NHEJ1: variants seen among roughly 807,000 people sequenced by gnomAD.
NHEJ1 encodes non-homologous end-joining factor 1.
In NHEJ1, 22 loss-of-function variants were observed where a neutral mutation model predicts 39.4. The ratio of observed to expected loss-of-function variants is 0.56; its 90% CI spans 0.40 to 0.80. The LOEUF (loss-of-function observed/expected upper bound fraction) is 0.80. NHEJ1 is among the 30% of genes least tolerant of loss of function. The probability of loss-of-function intolerance (pLI) is 0.00; values close to 1 mark genes in which losing one functional copy is unlikely to be tolerated. For missense variants in NHEJ1, 329 were observed against 357.1 expected (o/e 0.92, Z 0.63); for synonymous variants, 154 against 135.6 (o/e 1.14, Z -0.94).
intron 5 of NHEJ1, among the ~76,000 whole-genome samples, chr2:219,136,450 G>A (rs943478846): frequency 3.3e-5 from 5 of 151,722 alleles, no homozygotes; most frequent in African/African-American, 1.2e-4. Flanking sequence ...CACCAAGCCC[G>A]GCTAATTTTT....
At chr2:219,149,508 C>T (rs574738037) in intron 3 of NHEJ1, among the ~76,000 whole-genome samples, 3 of 152,124 alleles carry the variant, frequency 2.0e-5, no homozygotes, top group African/African-American at 4.8e-5. Context: ...CCCAGCTACT[C>T]GGGAGACTGA....
rs1424266156 is a variant in NHEJ1, at chr2:219,076,164, G to C, written c.*217C>G. On this transcript the variant is annotated 3_prime_UTR_variant, in exon 8 of 8. Transcript: ENST00000356853. ...AACCTACAGAACCTCCACCAAAAGA[G>C]AGGAGAGCACGGGATTCTCAGAGAC... The C allele has an allele frequency of 1.9e-6, 2 of 1,034,806 alleles. No individual in the cohort carries two copies. Among genetic ancestry groups the C allele is most frequent in the Non-Finnish European group, 2.7e-6 (2 of 730,090 alleles). 64.1% of individuals were successfully genotyped at this position (1,034,806 alleles called of 1,614,324 possible).
rs377061150 is a variant in NHEJ1, at chr2:219,148,888, CT to C, written c.391-1094del. 2.1e-3 allele frequency among the ~76,000 whole-genome samples: 313 copies of C among 145,926 alleles called. 1 individual carries two copies. Among genetic ancestry groups the C allele is most frequent in the African/African-American group, 4.5e-3 (181 of 40,000 alleles). ...CAACGCACTCTACACACAACCCCCC[CT>C]TTTTTTTTTTTGAGAAGGAGTTTCG... On this transcript the variant is annotated intron_variant, in intron 3 of 7. Coordinates refer to ENST00000356853, the MANE Select transcript of NHEJ1 (RefSeq NM_024782.3).
chr2:219,127,537 C>A lies in NHEJ1; in HGVS notation c.588+19143G>T, dbSNP rs867493884. On this transcript the variant is annotated intron_variant, in intron 5 of 7. Transcript: ENST00000356853. ...CCTGCCAGTAATCCACATTTCTAAT[C>A]CAAGGCCCATTTCTTATCTCTTACT... 2.6e-5 allele frequency among the ~76,000 whole-genome samples: 4 copies of A among 152,164 alleles called. No individual in the cohort carries two copies. In the South Asian group the frequency reaches 8.3e-4, roughly 32 times the overall value.
At chr2:219,141,087 A>T (rs1160996772) in intron 5 of NHEJ1, among the ~76,000 whole-genome samples, 1 of 152,218 alleles carries the variant, frequency 6.6e-6, no homozygotes, top group Non-Finnish European at 1.5e-5. Context: ...AAGCCAAAAA[A>T]GGGACAGAAA....
At chr2:219,149,363 C>T (rs370111304) in intron 3 of NHEJ1, among the ~76,000 whole-genome samples, 1 of 152,140 alleles carries the variant, frequency 6.6e-6, no homozygotes, top group African/African-American at 2.4e-5. Flanking sequence ...TGCCTGTAAT[C>T]CCAGCATTTT....
At chr2:219,093,016 T>G (rs754232582) in intron 5 of NHEJ1, among the ~76,000 whole-genome samples, 2 of 152,222 alleles carry the variant, frequency 1.3e-5, no homozygotes, top group African/African-American at 2.4e-5. Flanking sequence ...GAGATAATAC[T>G]TTAAACAAAA....
intron 5 of NHEJ1, among the ~76,000 whole-genome samples, chr2:219,100,440 T>C (rs1005966378): frequency 1.7e-4 from 17 of 100,090 alleles, no homozygotes; most frequent in African/African-American, 5.7e-4. Context: ...CGATCTCTAC[T>C]AAAATGCAAA....
intron 2 of NHEJ1, 129 bp from the exon 3 acceptor site, chr2:219,157,813 A>G: frequency 2.6e-6 from 2 of 784,302 alleles, no homozygotes; most frequent in South Asian, 3.0e-5. Context: ...AGAAGATAAA[A>G]ACATCACAAG....
intron 3 of NHEJ1, among the ~76,000 whole-genome samples, chr2:219,152,031 G>GA (rs1344265499): frequency 3.3e-5 from 5 of 152,004 alleles, no homozygotes; most frequent in Admixed American, 6.6e-5. Flanking sequence ...ACACTATAAG[G>GA]AAAAATCTTG....
At chr2:219,145,774 A>T (rs1206798026) in intron 5 of NHEJ1, among the ~76,000 whole-genome samples, 1 of 152,024 alleles carries the variant, frequency 6.6e-6, no homozygotes, top group African/African-American at 2.4e-5. Flanking sequence ...CTCTACTAAA[A>T]ATACAAAATT....
At chr2:219,145,205 T>C (rs758085760) in intron 5 of NHEJ1, among the ~76,000 whole-genome samples, 2 of 150,374 alleles carry the variant, frequency 1.3e-5, no homozygotes, top group Non-Finnish European at 2.9e-5. Flanking sequence ...ACAGAGCAAG[T>C]GAGGCTTCGT....
intron 5 of NHEJ1, among the ~76,000 whole-genome samples, chr2:219,135,043 T>TAAAACAAAA (rs1553547229): frequency 9.1e-6 from 1 of 110,400 alleles, no homozygotes; most frequent in African/African-American, 3.5e-5. Flanking sequence ...CCGTCTCAAT[T>TAAAACAAAA]AAAAAAAAAA....
At chr2:219,076,484 G>A in intron 7 of NHEJ1, 29 bp from the exon 8 acceptor site, 1 of 1,607,038 alleles carries the variant, frequency 6.2e-7, no homozygotes, top group South Asian at 1.1e-5. Flanking sequence ...AAGTTAGTAG[G>A]GGTTTTGAAA....
intron 5 of NHEJ1, among the ~76,000 whole-genome samples, chr2:219,098,025 T>C (rs1320668749): frequency 1.3e-5 from 2 of 152,200 alleles, no homozygotes; most frequent in Admixed American, 1.3e-4. Flanking sequence ...AATGAAAGTA[T>C]GTCGAGAAGG....
At position 219,147,736 on chromosome 2, in the gene NHEJ1, C is replaced by T. The variant is rs376861632; in HGVS notation, c.450G>A (p.Val150=). Residue 150 remains valine (V), a synonymous_variant, in exon 4 of 8, where the codon GTG becomes GTA. Transcript: ENST00000356853. Reference sequence around the variant, plus strand: ...TATGAAGTAACGTTGCTAGCTCCCTCACTTGGCACTGTAATGCCAGACTCA... The same window carrying T: ...TATGAAGTAACGTTGCTAGCTCCCTTACTTGGCACTGTAATGCCAGACTCA... ...MGMSLALQCQ[V]RELATLLHMK... The T allele has an allele frequency of 6.2e-7, 1 of 1,614,180 alleles. No individual in the cohort carries two copies. Among genetic ancestry groups the T allele is most frequent in the Non-Finnish European group, 8.5e-7 (1 of 1,179,988 alleles).
intron 5 of NHEJ1, among the ~76,000 whole-genome samples, chr2:219,087,654 C>T (rs776155220): frequency 1.3e-5 from 2 of 152,026 alleles, no homozygotes; most frequent in Non-Finnish European, 2.9e-5. Context: ...TAGGGTGACG[C>T]ACCACCTCCC....
rs544557746 is a variant in NHEJ1 at position 219,074,905 on chromosome 2, G to A, written c.*1476C>T. Among the ~76,000 whole-genome samples, 1 of 152,250 alleles carries A rather than the reference G, an allele frequency of 6.6e-6. No homozygotes were observed. The highest frequency in any genetic ancestry group is 1.9e-4 in the East Asian group (1 of 5,186). On this transcript the variant is annotated 3_prime_UTR_variant, in exon 8 of 8. Coordinates refer to ENST00000356853, the MANE Select transcript of NHEJ1 (RefSeq NM_024782.3). Reference sequence around the variant, plus strand: ...TCAGCAGTGACTGGGAATGAGCCTTGGTGGAGATCTCAGACTCTGCTAGCA... The same window carrying A: ...TCAGCAGTGACTGGGAATGAGCCTTAGTGGAGATCTCAGACTCTGCTAGCA...
chr2:219,095,947 G>A (rs1949204401), intron 5 of NHEJ1, among the ~76,000 whole-genome samples: 1 of 151,582 alleles, frequency 6.6e-6, no homozygotes, highest in Admixed American at 6.6e-5. Context: ...AAGAGGTGGA[G>A]ACTCATATTA....
Sources: gnomAD v4.1 joint callset for allele counts (sites outside exome capture counted in the v4.1 genomes callset) on GRCh38, gnomAD v4.1.1 for gene constraint, MANE v1.5 for transcripts, NCBI Gene and HGNC (gene_info 2026-07-23, HGNC 2026-07-21) for gene names.